Variants in TGFB2 observed in about 807,000 individuals in gnomAD.
TGFB2 encodes transforming growth factor beta 2.
A neutral mutation model predicts 42.7 loss-of-function variants in TGFB2; 13 were observed. The ratio of observed to expected loss-of-function variants is 0.30; its 90% CI spans 0.20 to 0.48. The LOEUF (loss-of-function observed/expected upper bound fraction) is 0.48, where lower values mean the gene tolerates loss of function less well. Ranked by LOEUF, TGFB2 falls within the 20% of genes least tolerant of loss-of-function variation. The pLI is 0.99. For synonymous variants in TGFB2, 193 were observed against 193.6 expected (o/e 1.00, Z 0.03); for missense variants, 390 against 517.5 (o/e 0.75, Z 2.39).
chr1:218,416,233 C>T (rs765261191), intron 2 of TGFB2, among the ~76,000 whole-genome samples: 12 of 152,094 alleles, frequency 7.9e-5, no homozygotes, highest in Non-Finnish European at 1.6e-4. Flanking sequence ...CCTCTCCCTG[C>T]TCCACCACCA....
intron 1 of TGFB2, among the ~76,000 whole-genome samples, chr1:218,383,901 G>A (rs568414812): frequency 3.3e-5 from 5 of 152,102 alleles, no homozygotes; most frequent in East Asian, 3.9e-4. Context: ...CACCACATTC[G>A]GGATCCCGAA....
intron 2 of TGFB2, among the ~76,000 whole-genome samples, chr1:218,426,787 A>T (rs1001764003): frequency 2.6e-5 from 4 of 152,208 alleles, no homozygotes; most frequent in African/African-American, 9.6e-5. Context: ...TTAAATTTTT[A>T]AAACTTAAAA....
Position 218,441,233 on chromosome 1 carries a change from A to G in TGFB2, c.1116A>G (p.Pro372=). The G allele has an allele frequency of 6.2e-7, 1 of 1,613,654 alleles. No individual in the cohort carries two copies. The highest frequency in any genetic ancestry group is 8.5e-7 in the Non-Finnish European group (1 of 1,179,894). Residue 372 remains proline, a synonymous_variant, in exon 7 of 7, where the codon CCA becomes CCG. Coordinates refer to ENST00000366930, the MANE Select transcript of TGFB2 (RefSeq NM_003238.6). ...RVLSLYNTIN[P]EASASPCCVS... ...TGAGCTTATATAATACCATAAATCCAGAAGCATCTGCTTCTCCTTGCTGCG... is the reference window on the plus strand; with the variant it reads ...TGAGCTTATATAATACCATAAATCCGGAAGCATCTGCTTCTCCTTGCTGCG...
At chr1:218,347,602 G>A (rs1656732494) in intron 1 of TGFB2, among the ~76,000 whole-genome samples, 1 of 151,988 alleles carries the variant, frequency 6.6e-6, no homozygotes, top group Admixed American at 6.6e-5. Flanking sequence ...GACAAAACCC[G>A]GTTTGGAGAC....
chr1:218,373,055 G>A (rs1017611648), intron 1 of TGFB2, among the ~76,000 whole-genome samples: 4 of 152,120 alleles, frequency 2.6e-5, no homozygotes, highest in Non-Finnish European at 5.9e-5. Flanking sequence ...GCACATGCCT[G>A]TAATCCCAGC....
chr1:218,346,783 G>T lies in TGFB2; in HGVS notation c.82G>T (p.Asp28Tyr). ...ALSLSTCSTL[D>Y]MDQFMRKRIE... Reference sequence around the variant, plus strand: ...CAGCCTGTCTACCTGCAGCACACTCGATATGGACCAGTTCATGCGCAAGAG... The same window carrying T: ...CAGCCTGTCTACCTGCAGCACACTCTATATGGACCAGTTCATGCGCAAGAG... The change falls in exon 1 of 7, where the codon GAT becomes TAT. Residue 28 changes from aspartate to tyrosine, a missense_variant. Coordinates refer to ENST00000366930, the MANE Select transcript of TGFB2 (RefSeq NM_003238.6). The surrounding 1 kb of genome is among the most constrained non-coding windows in gnomAD (Gnocchi z 4.9). The T allele has an allele frequency of 6.2e-7, 1 of 1,614,120 alleles. No individual in the cohort carries two copies. The highest frequency in any genetic ancestry group is 8.5e-7 in the Non-Finnish European group (1 of 1,180,028).
At chr1:218,350,658 G>A (rs983291798) in intron 1 of TGFB2, among the ~76,000 whole-genome samples, 1 of 152,228 alleles carries the variant, frequency 6.6e-6, no homozygotes, top group African/African-American at 2.4e-5. Flanking sequence ...TAAATGGAGT[G>A]TGGATTAGAC....
At chr1:218,363,315 T>C (rs772177106) in intron 1 of TGFB2, 26 of 1,609,682 alleles carry the variant, frequency 1.6e-5, no homozygotes, top group Non-Finnish European at 2.2e-5. Flanking sequence ...CTAATGACTG[T>C]GCTTTTTAAA....
chr1:218,415,238 C>A (rs931407682), intron 2 of TGFB2, among the ~76,000 whole-genome samples: 3 of 152,152 alleles, frequency 2.0e-5, no homozygotes, highest in Non-Finnish European at 4.4e-5. Flanking sequence ...TTGTAAGAAA[C>A]AGTGTGAAAT....
chr1:218,352,588 A>G (rs764336177), intron 1 of TGFB2, among the ~76,000 whole-genome samples: 1 of 152,134 alleles, frequency 6.6e-6, no homozygotes, highest in Non-Finnish European at 1.5e-5. Flanking sequence ...GCATCATGCT[A>G]CAACCACAAG....
At chr1:218,351,376 C>T (rs1235118279) in intron 1 of TGFB2, among the ~76,000 whole-genome samples, 1 of 152,120 alleles carries the variant, frequency 6.6e-6, no homozygotes, top group East Asian at 1.9e-4. Flanking sequence ...TCTTGACTTC[C>T]AGAATGATTG....
At chr1:218,420,006 G>A (rs1014981650) in intron 2 of TGFB2, among the ~76,000 whole-genome samples, 3 of 152,148 alleles carry the variant, frequency 2.0e-5, no homozygotes, top group African/African-American at 7.2e-5. Context: ...TTATAGTACA[G>A]GCCACATATG....
At chr1:218,399,287 C>T (rs965258570) in intron 1 of TGFB2, among the ~76,000 whole-genome samples, 5 of 152,094 alleles carry the variant, frequency 3.3e-5, no homozygotes, top group East Asian at 1.9e-4. Context: ...AACTGTAGTA[C>T]GTTTTCAAAG....
At chr1:218,411,812 C>CAGAG (rs143126125) in intron 2 of TGFB2, among the ~76,000 whole-genome samples, 11,771 of 148,126 alleles carry the variant, frequency 0.079, 510 homozygotes, top group East Asian at 0.15. Context: ...TTGCAGTGAG[C>CAGAG]AGAGATTGCA....
intron 2 of TGFB2, among the ~76,000 whole-genome samples, chr1:218,421,931 C>T (rs1558256250): frequency 6.6e-6 from 1 of 152,078 alleles, no homozygotes; most frequent in Non-Finnish European, 1.5e-5. Flanking sequence ...CTAGAAGAGG[C>T]AAAGAAGGAT....
chr1:218,346,663 G>T lies in TGFB2; in HGVS notation c.-39G>T. ...ATTGTTGATTTCTTTTTTTTATTCT[G>T]ACTTTTAAAAACAACTTTTTTTTCC... On this transcript the variant is annotated 5_prime_UTR_variant, in exon 1 of 7. Transcript: ENST00000366930. The surrounding 1 kb of genome is among the most constrained non-coding windows in gnomAD (Gnocchi z 4.9). 4 of 1,523,170 alleles carry T rather than the reference G, an allele frequency of 2.6e-6. No homozygotes were observed. The South Asian group carries it at 3.7e-5, about 14-fold the overall frequency. The allele number at this position is 1,523,170 out of a possible 1,614,324, so 94.4% of individuals were successfully genotyped here.
intron 2 of TGFB2, among the ~76,000 whole-genome samples, chr1:218,430,680 T>C (rs905493445): frequency 3.3e-5 from 5 of 152,234 alleles, no homozygotes; most frequent in African/African-American, 1.2e-4. Context: ...ATAGTGAGGT[T>C]GTGCCTATTC....
chr1:218,434,018 T>A (rs2102626233), intron 2 of TGFB2, 64 bp from the exon 3 acceptor site: 1 of 1,596,236 alleles, frequency 6.3e-7, no homozygotes, highest in South Asian at 1.1e-5. Context: ...TGTTAATAGT[T>A]TTGGTTTAGT....
At chr1:218,376,907 G>T (rs1236663320) in intron 1 of TGFB2, among the ~76,000 whole-genome samples, 1 of 152,066 alleles carries the variant, frequency 6.6e-6, no homozygotes, top group Non-Finnish European at 1.5e-5. Flanking sequence ...AGCTTTGTTT[G>T]TTTTGAGACA....
Sources: gnomAD v4.1 joint callset for allele counts (sites outside exome capture counted in the v4.1 genomes callset) on GRCh38, gnomAD v4.1.1 for gene constraint, Gnocchi (gnomAD v3.1) non-coding constraint, MANE v1.5 for transcripts, NCBI Gene and HGNC (gene_info 2026-07-23, HGNC 2026-07-21) for gene names.